The following ZNF385D variants were observed in gnomAD, a reference collection of about 807,000 sequenced individuals.
ZNF385D encodes the protein zinc finger protein 385D.
ZNF385D carries 15 observed loss-of-function variants against 35.8 expected under a neutral mutation model. The observed-to-expected ratio is 0.42, with a 90% CI of 0.28 to 0.64. The LOEUF (loss-of-function observed/expected upper bound fraction) is 0.64. Among genes scored for constraint, ZNF385D ranks in the 30% least tolerant of loss-of-function variants. The probability of loss-of-function intolerance (pLI) is 0.23; values close to 1 mark genes in which losing one functional copy is unlikely to be tolerated. For synonymous variants in ZNF385D, 212 were observed against 186.8 expected, an observed-to-expected ratio of 1.13 and a Z score of -1.10; for missense variants, 474 against 494.6, an observed-to-expected ratio of 0.96 and a Z score of 0.39.
At chr3:22,212,053 G>C (rs1697557345) in intron 2 of ZNF385D, among the ~76,000 whole-genome samples, 1 of 152,010 alleles carries the variant, frequency 6.6e-6, no homozygotes, top group South Asian at 2.1e-4. Flanking sequence ...CTGCAATAGG[G>C]AAAGTGTAGT....
At chr3:21,669,323 C>A (rs1006118120) in intron 1 of ZNF385D, among the ~76,000 whole-genome samples, 2 of 152,130 alleles carry the variant, frequency 1.3e-5, no homozygotes, top group Non-Finnish European at 2.9e-5. Flanking sequence ...TCACAAAATT[C>A]TTCTCCCTCC....
intron 2 of ZNF385D, among the ~76,000 whole-genome samples, chr3:22,310,489 G>A (rs996641968): frequency 1.6e-4 from 25 of 151,770 alleles, no homozygotes; most frequent in Non-Finnish European, 3.5e-4. Flanking sequence ...CTATATCCAG[G>A]TTTTCACTGT....
rs77685148 is a variant in ZNF385D, at chr3:22,031,080, G to A, written c.325+137737C>T. ...CAAGGGGTGGGCTCTCAATGCTTTA[G>A]CAGCTCTGCCCCTGTGGCTTTGCAG... On this transcript the variant is annotated intron_variant, in intron 3 of 5. Transcript: ENST00000494108. Among the ~76,000 whole-genome samples, 1,122 of 152,320 alleles carry A rather than the reference G, an allele frequency of 7.4e-3. 13 individuals are homozygous for A. The highest frequency in any genetic ancestry group is 0.026 in the African/African-American group (1,066 of 41,564).
At chr3:21,816,944 C>T (rs992979563) in intron 3 of ZNF385D, among the ~76,000 whole-genome samples, 1 of 152,108 alleles carries the variant, frequency 6.6e-6, no homozygotes, top group African/African-American at 2.4e-5. Context: ...TAGTACAAGG[C>T]TACAGTAACC....
intron 3 of ZNF385D, among the ~76,000 whole-genome samples, chr3:21,867,884 G>T (rs1315876137): frequency 6.6e-6 from 1 of 152,020 alleles, no homozygotes; most frequent in South Asian, 2.1e-4. Flanking sequence ...TGTGGCTGGT[G>T]CACCTCAGAA....
At chr3:21,567,121 T>C (rs1559413688) in intron 2 of ZNF385D, among the ~76,000 whole-genome samples, 2 of 152,322 alleles carry the variant, frequency 1.3e-5, no homozygotes, top group East Asian at 3.9e-4. Flanking sequence ...TATTTATCCA[T>C]TTGCCATCGA....
chr3:21,842,133 C>G (rs1051059189), intron 3 of ZNF385D, among the ~76,000 whole-genome samples: 2 of 151,686 alleles, frequency 1.3e-5, no homozygotes, highest in Non-Finnish European at 2.9e-5. Context: ...GATGAAAAAC[C>G]AATGACAGAT....
At chr3:22,076,493 A>G (rs914715150) in intron 3 of ZNF385D, among the ~76,000 whole-genome samples, 18 of 151,896 alleles carry the variant, frequency 1.2e-4, no homozygotes, top group Admixed American at 3.3e-4. Flanking sequence ...TCCCATAACC[A>G]AACCACTTAA....
At chr3:21,504,557 T>C (rs1706630262) in intron 4 of ZNF385D, among the ~76,000 whole-genome samples, 1 of 151,844 alleles carries the variant, frequency 6.6e-6, no homozygotes, top group Admixed American at 6.6e-5. Context: ...ATCAAGGGAG[T>C]ACTCTCAAGA....
At chr3:21,937,627 T>A (rs1701323819) in intron 3 of ZNF385D, among the ~76,000 whole-genome samples, 1 of 152,106 alleles carries the variant, frequency 6.6e-6, no homozygotes, top group African/African-American at 2.4e-5. Flanking sequence ...TAAAAAATTT[T>A]AAAAACCTGT....
rs1703474508 is a variant in ZNF385D at position 21,465,795 on chromosome 3, G to A, written c.440-28592C>T. On this transcript the variant is annotated intron_variant, in intron 4 of 7. Coordinates refer to ENST00000281523, the MANE Select transcript of ZNF385D (RefSeq NM_024697.3). The surrounding 1 kb of genome is among the most constrained non-coding windows in gnomAD (Gnocchi z 4.2). ...ATCATGCAGTAGACGTAAGCCAGGT[G>A]CTAGGTGTTAGGATTTGGCAAATAG... 1.3e-5 allele frequency among the ~76,000 whole-genome samples: 2 copies of A among 152,124 alleles called. No homozygotes were observed.
chr3:21,545,041 G>A (rs1402099216), intron 3 of ZNF385D, among the ~76,000 whole-genome samples: 1 of 152,082 alleles, frequency 6.6e-6, no homozygotes, highest in Admixed American at 6.5e-5. Flanking sequence ...AAATTGTATG[G>A]GATTTCTAAA....
At chr3:21,959,887 T>C (rs1702490020) in intron 3 of ZNF385D, among the ~76,000 whole-genome samples, 1 of 151,834 alleles carries the variant, frequency 6.6e-6, no homozygotes. Context: ...GCAACAAAAC[T>C]CAACTCAAAA....
In ZNF385D at chr3:21,821,208, G is replaced by T. The variant is rs1194724918; in HGVS notation, c.326-156180C>A. Among the ~76,000 whole-genome samples, 3 of 151,894 alleles carry T rather than the reference G, an allele frequency of 2.0e-5. No homozygotes were observed. In the East Asian group the frequency reaches 5.8e-4, roughly 29 times the overall value. ...TAGAAGGTGGTAAAATTACAGAAAAGTCTCACTCATAAATTTAGATGAAAA... is the reference window on the plus strand; with the variant it reads ...TAGAAGGTGGTAAAATTACAGAAAATTCTCACTCATAAATTTAGATGAAAA... On this transcript the variant is annotated intron_variant, in intron 3 of 5. Coordinates refer to the ZNF385D transcript ENST00000494108.
intron 3 of ZNF385D, among the ~76,000 whole-genome samples, chr3:21,898,466 T>A (rs1669257018): frequency 6.6e-6 from 1 of 152,126 alleles, no homozygotes. Context: ...ACTTCCAGAT[T>A]TTTTTCTATG....
intron 4 of ZNF385D, among the ~76,000 whole-genome samples, chr3:21,467,448 G>A (rs1703590226): frequency 6.6e-6 from 1 of 152,092 alleles, no homozygotes; most frequent in African/African-American, 2.4e-5. Context: ...AGTTTTTGGG[G>A]GGAACAAAAT....
rs906473503 is a variant in ZNF385D at position 21,736,637 on chromosome 3, A to G, written c.22+14258T>C. ...AAAGCACAGGACGTCTTTCAACTTTATGGCACCACTGCCTTTTTGAATAAC... is the reference window on the plus strand; with the variant it reads ...AAAGCACAGGACGTCTTTCAACTTTGTGGCACCACTGCCTTTTTGAATAAC... On this transcript the variant is annotated intron_variant, in intron 1 of 7. Transcript: ENST00000281523. Among the ~76,000 whole-genome samples the G allele has an allele frequency of 7.9e-5, 12 of 152,200 alleles. No individual in the cohort carries two copies. In the South Asian group the frequency reaches 1.9e-3, roughly 24 times the overall value.
chr3:22,053,105 C>T (rs1699358970), intron 3 of ZNF385D, among the ~76,000 whole-genome samples: 1 of 81,610 alleles, frequency 1.2e-5, no homozygotes, highest in Non-Finnish European at 2.5e-5. Flanking sequence ...AGCCTCGTTG[C>T]CGCCTTGCAG....
At chr3:21,847,374 C>T (rs1455839730) in intron 3 of ZNF385D, among the ~76,000 whole-genome samples, 1 of 150,944 alleles carries the variant, frequency 6.6e-6, no homozygotes, top group Non-Finnish European at 1.5e-5. Flanking sequence ...ATCACGATAT[C>T]AAAAAATTAA....
Sources: gnomAD v4.1 joint callset for allele counts (sites outside exome capture counted in the v4.1 genomes callset) on GRCh38, gnomAD v4.1.1 for gene constraint, Gnocchi (gnomAD v3.1) non-coding constraint, MANE v1.5 for transcripts, NCBI Gene and HGNC (gene_info 2026-07-23, HGNC 2026-07-21) for gene names.